CNTLN: variants seen among roughly 807,000 people sequenced by gnomAD.
The protein encoded by CNTLN is centlein, centrosomal protein.
CNTLN carries 212 observed loss-of-function variants against 180.0 expected under a neutral mutation model. The observed-to-expected ratio is 1.18, with a 90% CI of 1.05 to 1.32. The LOEUF (loss-of-function observed/expected upper bound fraction) is 1.32, where lower values mean the gene tolerates loss of function less well. Among genes scored for constraint, CNTLN ranks in the 40% most tolerant of loss-of-function variants. The probability of loss-of-function intolerance (pLI) is 0.00; values close to 1 mark genes in which losing one functional copy is unlikely to be tolerated. For missense variants in CNTLN, 2,095 were observed against 1,610.9 expected, an observed-to-expected ratio of 1.30 and a Z score of -5.14; for synonymous variants, 722 against 563.1, an observed-to-expected ratio of 1.28 and a Z score of -3.99.
chr9:17,375,700 T>C (rs1286179638), intron 13 of CNTLN, among the ~76,000 whole-genome samples: 1 of 152,178 alleles, frequency 6.6e-6, no homozygotes, highest in East Asian at 1.9e-4. Context: ...AATTATTTAG[T>C]TCGTATCTTT....
the CNTLN span, among the ~76,000 whole-genome samples, chr9:17,527,897 C>T: frequency 6.6e-6 from 1 of 151,870 alleles, no homozygotes. Context: ...ATACAGGAGC[C>T]AGGGGAAAAG....
chr9:17,243,469 G>A (rs962336303), intron 5 of CNTLN, among the ~76,000 whole-genome samples: 1 of 152,054 alleles, frequency 6.6e-6, no homozygotes, highest in South Asian at 2.1e-4. Context: ...TTTGCTTTTA[G>A]TACTACTTTC....
At position 17,135,263 on chromosome 9, in the gene CNTLN, G is replaced by A; in HGVS notation, c.198G>A (p.Arg66=). The part of the protein sequence containing the change: ...IWVGEEGSGG[R]RGPGGAAPAH... ...TGGGTGAAGAAGGGTCAGGGGGCCGGCGAGGGCCTGGGGGGGCAGCTCCGG... is the reference window on the plus strand; with the variant it reads ...TGGGTGAAGAAGGGTCAGGGGGCCGACGAGGGCCTGGGGGGGCAGCTCCGG... Residue 66 remains arginine (R), a synonymous_variant, in exon 1 of 26, where the codon CGG becomes CGA. Coordinates refer to ENST00000380647, the MANE Select transcript of CNTLN (RefSeq NM_017738.4). 1.9e-6 allele frequency: 3 copies of A among 1,603,394 alleles called. No homozygotes were observed. Among genetic ancestry groups the A allele is most frequent in the Non-Finnish European group, 2.6e-6 (3 of 1,175,574 alleles).
intron 13 of CNTLN, among the ~76,000 whole-genome samples, chr9:17,367,383 T>C (rs113354841): frequency 0.019 from 2,625 of 137,624 alleles, 91 homozygotes; most frequent in African/African-American, 0.065. Flanking sequence ...CACAGGACTT[T>C]GGGGCTCTAT....
intron 8 of CNTLN, among the ~76,000 whole-genome samples, chr9:17,315,240 A>G (rs1467077645): frequency 6.6e-6 from 1 of 152,060 alleles, no homozygotes; most frequent in Non-Finnish European, 1.5e-5. Flanking sequence ...ATTTCTGAAC[A>G]GTATTTTTTA....
intron 11 of CNTLN, 52 bp from the exon 12 acceptor site, chr9:17,342,273 T>G: frequency 6.4e-7 from 1 of 1,557,676 alleles, no homozygotes; most frequent in Non-Finnish European, 8.7e-7. Context: ...AAAATAATTT[T>G]TATTGCACTT....
chr9:17,198,003 C>A (rs1375034701), intron 2 of CNTLN, among the ~76,000 whole-genome samples: 1 of 152,204 alleles, frequency 6.6e-6, no homozygotes, highest in Non-Finnish European at 1.5e-5. Context: ...CTCCTTTCCC[C>A]AATGTATATT....
intron 8 of CNTLN, among the ~76,000 whole-genome samples, chr9:17,312,339 GTATTTATATATATATATATATATAT>G (rs1390743967): frequency 5.7e-5 from 7 of 122,870 alleles, no homozygotes; most frequent in East Asian, 4.1e-4. Flanking sequence ...TAAGATTACT[GTATTTATATATATATATATATATAT>G]TATATATATA....
At chr9:17,390,290 A>G (rs1383899620) in intron 14 of CNTLN, among the ~76,000 whole-genome samples, 1 of 114,186 alleles carries the variant, frequency 8.8e-6, no homozygotes, top group African/African-American at 3.5e-5. Context: ...CCCAGGCTGG[A>G]GTACAGTGGG....
At chr9:17,433,887 A>G (rs1478658467) in intron 18 of CNTLN, among the ~76,000 whole-genome samples, 1 of 152,190 alleles carries the variant, frequency 6.6e-6, no homozygotes, top group Non-Finnish European at 1.5e-5. Flanking sequence ...AGCCTGTAAG[A>G]GTTTTTAATT....
intron 8 of CNTLN, among the ~76,000 whole-genome samples, chr9:17,321,716 T>A (rs1483126684): frequency 6.6e-6 from 1 of 152,184 alleles, no homozygotes; most frequent in Non-Finnish European, 1.5e-5. Flanking sequence ...GTAGTACCTT[T>A]ACTTGGGCTC....
At chr9:17,487,727 G>A (rs1832963889) in intron 25 of CNTLN, among the ~76,000 whole-genome samples, 1 of 152,114 alleles carries the variant, frequency 6.6e-6, no homozygotes, top group South Asian at 2.1e-4. Flanking sequence ...TGAGGGGTCT[G>A]TTGAGACTGC....
At chr9:17,387,831 T>C (rs1442519) in intron 13 of CNTLN, among the ~76,000 whole-genome samples, 152,060 of 152,068 alleles carry the variant, frequency 1, 76,026 homozygotes, top group Middle Eastern at 1. Context: ...GATAAAAAGG[T>C]AATGAATTCT....
At chr9:17,251,913 A>G (rs1175955211) in intron 5 of CNTLN, among the ~76,000 whole-genome samples, 1 of 151,764 alleles carries the variant, frequency 6.6e-6, no homozygotes, top group Non-Finnish European at 1.5e-5. Context: ...TTCCTAGTAT[A>G]TGGTATCTAT....
At chr9:17,215,328 C>G (rs891153972) in intron 2 of CNTLN, among the ~76,000 whole-genome samples, 5 of 152,236 alleles carry the variant, frequency 3.3e-5, no homozygotes, top group African/African-American at 7.2e-5. Context: ...TGCAGAACCT[C>G]TTTGCCTGGG....
At chr9:17,413,455 C>T (rs909529171) in intron 16 of CNTLN, among the ~76,000 whole-genome samples, 4 of 151,852 alleles carry the variant, frequency 2.6e-5, no homozygotes, top group African/African-American at 7.3e-5. Context: ...TCAAAAGACA[C>T]TATATAGAAG....
intron 25 of CNTLN, among the ~76,000 whole-genome samples, chr9:17,499,327 C>A (rs550594707): frequency 6.6e-6 from 1 of 152,074 alleles, no homozygotes; most frequent in Non-Finnish European, 1.5e-5. Context: ...TAAGAGTTAG[C>A]GTGTTATAAG....
At chr9:17,380,484 G>A (rs886329734) in intron 13 of CNTLN, among the ~76,000 whole-genome samples, 2 of 152,180 alleles carry the variant, frequency 1.3e-5, no homozygotes, top group East Asian at 1.9e-4. Context: ...TCCTTGACCA[G>A]GACCTGTGTC....
intron 8 of CNTLN, among the ~76,000 whole-genome samples, chr9:17,316,969 T>A (rs1431981159): frequency 6.6e-6 from 1 of 152,124 alleles, no homozygotes; most frequent in Non-Finnish European, 1.5e-5. Flanking sequence ...TCTTTATATA[T>A]TGTATGCCCA....
Sources: gnomAD v4.1 joint callset for allele counts (sites outside exome capture counted in the v4.1 genomes callset) on GRCh38, gnomAD v4.1.1 for gene constraint, MANE v1.5 for transcripts, NCBI Gene and HGNC (gene_info 2026-07-23, HGNC 2026-07-21) for gene names.